NEK9: variants seen among roughly 807,000 people sequenced by gnomAD.
NEK9 encodes serine/threonine-protein kinase Nek9.
A neutral mutation model predicts 123.4 loss-of-function variants in NEK9; 75 were observed. The observed-to-expected ratio is 0.61, with a 90% CI of 0.50 to 0.74. NEK9 has a LOEUF of 0.74. Ranked by LOEUF, NEK9 falls within the 30% of genes least tolerant of loss-of-function variation. The probability of loss-of-function intolerance (pLI) is 0.00; values close to 1 mark genes in which losing one functional copy is unlikely to be tolerated. For missense variants in NEK9, 952 were observed against 1,214.4 expected (o/e 0.78, Z 3.21); for synonymous variants, 438 against 458.7 (o/e 0.95, Z 0.58).
intron 11 of NEK9, 138 bp from the exon 12 acceptor site, chr14:75,106,840 C>T (rs1594839628): frequency 6.1e-6 from 4 of 657,228 alleles, no homozygotes; most frequent in South Asian, 5.9e-5. Flanking sequence ...ATTAAAAGGA[C>T]AGACTGTGCA....
At chr14:75,089,494 G>T (rs908837013) in intron 19 of NEK9, among the ~76,000 whole-genome samples, 1 of 152,020 alleles carries the variant, frequency 6.6e-6, no homozygotes, top group Admixed American at 6.6e-5. Context: ...CTCCCAAAGT[G>T]CTGGGATTAC....
At position 75,088,483 on chromosome 14, in the gene NEK9, G is replaced by A; in HGVS notation, c.2601C>T (p.Ala867=). ...APLEHKPQVE[A]SSPRLNPAVT... The stretch of plus-strand genomic sequence containing the variant: ...CAAAGGCAAAAAGCTCAGTTACCGA[G>A]GCTTCTACTTGGGGTTTGTGTTCCA... The change falls in exon 20 of 22, where the codon GCC becomes GCT. Residue 867 remains alanine (A), a synonymous_variant. Coordinates refer to ENST00000238616, the MANE Select transcript of NEK9 (RefSeq NM_033116.6). 1.2e-6 allele frequency: 2 copies of A among 1,613,400 alleles called. No individual in the cohort carries two copies. The highest frequency in any genetic ancestry group is 1.7e-6 in the Non-Finnish European group (2 of 1,179,696).
At position 75,104,167 on chromosome 14, in the gene NEK9, C is replaced by CT. The variant is rs57333930; in HGVS notation, c.1576-171dup. Among the ~76,000 whole-genome samples the CT allele has an allele frequency of 7.0e-3, 1,001 of 143,118 alleles. 8 individuals carry two copies. Among genetic ancestry groups the CT allele is most frequent in the South Asian group, 0.049 (220 of 4,462 alleles). The allele number at this position is 143,118 out of a possible 152,430, so 93.9% of individuals were successfully genotyped here. Reference sequence around the variant, plus strand: ...CCCAGTGTCTTAGAGACTACTTTTTCTTTTTTTTTTTTTTTGAGATAGAGT... The same window carrying CT: ...CCCAGTGTCTTAGAGACTACTTTTTCTTTTTTTTTTTTTTTTGAGATAGAGT... On this transcript the variant is annotated intron_variant, in intron 13 of 21. Coordinates refer to ENST00000238616, the MANE Select transcript of NEK9 (RefSeq NM_033116.6).
intron 6 of NEK9, 131 bp downstream of exon 6, chr14:75,117,064 A>T: frequency 1.9e-6 from 2 of 1,061,724 alleles, no homozygotes; most frequent in Non-Finnish European, 2.7e-6. Flanking sequence ...GTAATAGATT[A>T]CTAATCTTGT....
chr14:75,114,656 G>A (rs1165896998), intron 6 of NEK9, among the ~76,000 whole-genome samples: 2 of 151,990 alleles, frequency 1.3e-5, no homozygotes, highest in African/African-American at 4.8e-5. Flanking sequence ...ACTAACTTGC[G>A]TCCTAATTTA....
rs752196053 is a variant in NEK9 at position 75,105,963 on chromosome 14, T to A, written c.1562A>T (p.Tyr521Phe). Residue 521 changes from tyrosine to phenylalanine, a missense_variant, in exon 13 of 22, where the codon TAT (tyrosine) becomes TTT (phenylalanine). Tyr to Phe is a conservative substitution (Grantham distance 22). Coordinates refer to ENST00000238616, the MANE Select transcript of NEK9 (RefSeq NM_033116.6). Reference sequence around the variant, plus strand: ...TTCTGATTTTACCTTTTGTGGTGTATAATAATCCTCTTCTGAATCCAAACC... The same window carrying A: ...TTCTGATTTTACCTTTTGTGGTGTAAAATAATCCTCTTCTGAATCCAAACC... The part of the protein sequence containing the change: ...RLGLDSEEDY[Y>F]TPQKVDVPKA... 4 of 1,613,620 alleles carry A rather than the reference T, an allele frequency of 2.5e-6. No homozygotes were observed. The Admixed American group carries it at 5.0e-5, about 20-fold the overall frequency.
chr14:75,125,246 TG>T (rs1479920296), intron 1 of NEK9, among the ~76,000 whole-genome samples: 1 of 152,216 alleles, frequency 6.6e-6, no homozygotes, highest in Non-Finnish European at 1.5e-5. Flanking sequence ...AAATGATATT[TG>T]TTCATTCTTT....
chr14:75,103,699 TG>T, intron 14 of NEK9, 142 bp downstream of exon 14: 1 of 834,126 alleles, frequency 1.2e-6, no homozygotes, highest in Non-Finnish European at 1.8e-6. Context: ...TCTTTGTGGC[TG>T]GCTTCTTTTT....
At chr14:75,108,508 CGTGTGCGTGTGTGTGT>C (rs1894853584) in intron 10 of NEK9, among the ~76,000 whole-genome samples, 1 of 82,304 alleles carries the variant, frequency 1.2e-5, no homozygotes, top group Non-Finnish European at 2.4e-5. Context: ...TATGTGTGTG[CGTGTGCGTGTGTGTGT>C]GTGTGTGTGT....
chr14:75,121,306 A>T, intron 2 of NEK9, 132 bp from the exon 3 acceptor site: 1 of 615,866 alleles, frequency 1.6e-6, no homozygotes, highest in South Asian at 2.2e-5. Flanking sequence ...ACTTCTTTTG[A>T]CTTTTCACAT....
Position 75,126,828 on chromosome 14 carries a change from G to T in NEK9, c.94C>A (p.Pro32Thr). Residue 32 changes from proline to threonine, a missense_variant, in exon 1 of 22, where the codon CCT becomes ACT. By Grantham distance (38) the Pro-to-Thr change is conservative. Around this residue, in one of 4 missense-constraint regions of NEK9, gnomAD observed 120 missense variants for 97.6 expected, o/e 1.23. Coordinates refer to ENST00000238616, the MANE Select transcript of NEK9 (RefSeq NM_033116.6). ...GCTCGCGGCCCCTGACTGGCGCTAG[G>T]CCCCGGACTCGAGTCCCCGCAACCC... is the stretch of plus-strand genomic sequence containing the variant. ...SGGCGDSSPG[P>T]SASQGPRAGG... 1 of 1,533,876 alleles carries T rather than the reference G, an allele frequency of 6.5e-7. No individual in the cohort carries two copies. Among genetic ancestry groups the T allele is most frequent in the Non-Finnish European group, 8.8e-7 (1 of 1,140,722 alleles).
chr14:75,095,347 T>C lies in NEK9; in HGVS notation c.2233+25A>G, dbSNP rs768117143. On this transcript the variant is annotated intron_variant, in intron 18 of 21. Transcript: ENST00000238616. ...AAAGACCCACACTTCAGAAAACCAC[T>C]GGTACCTGAAACATTGGTACTTACC... The C allele has an allele frequency of 5.1e-6, 8 of 1,575,188 alleles. No individual in the cohort carries two copies. The South Asian group carries it at 6.7e-5, about 13-fold the overall frequency.
chr14:75,095,458 C>T (rs1157957746), intron 17 of NEK9, 27 bp from the exon 18 acceptor site: 2 of 1,534,904 alleles, frequency 1.3e-6, no homozygotes, highest in South Asian at 1.1e-5. Context: ...GGTAGGTAAG[C>T]ACTGTATACT....
chr14:75,123,113 C>T (rs991602242), intron 2 of NEK9, among the ~76,000 whole-genome samples: 1 of 151,910 alleles, frequency 6.6e-6, no homozygotes, highest in Non-Finnish European at 1.5e-5. Context: ...TTTAAAATGA[C>T]AAAACTGCTG....
intron 1 of NEK9, 98 bp downstream of exon 1, chr14:75,126,605 G>C (rs556582589): frequency 1.1e-6 from 1 of 942,032 alleles, no homozygotes; most frequent in Non-Finnish European, 1.5e-6. Flanking sequence ...GGCGCCTAAA[G>C]CACTAAGCTC....
At chr14:75,114,456 T>TA in intron 6 of NEK9, 143 bp from the exon 7 acceptor site, 1 of 647,502 alleles carries the variant, frequency 1.5e-6, no homozygotes, top group African/African-American at 1.8e-5. Flanking sequence ...CTAGTATGCA[T>TA]CAAAAAAAAA....
At chr14:75,110,642 A>G (rs1842030764) in intron 8 of NEK9, among the ~76,000 whole-genome samples, 1 of 152,008 alleles carries the variant, frequency 6.6e-6, no homozygotes, top group Non-Finnish European at 1.5e-5. Flanking sequence ...GAGAGCCTTG[A>G]GAACCTCTGA....
intron 18 of NEK9, 75 bp from the exon 19 acceptor site, chr14:75,091,553 T>C (rs1298373457): frequency 7.8e-7 from 1 of 1,285,766 alleles, no homozygotes; most frequent in East Asian, 2.7e-5. Context: ...CAACCCTACT[T>C]ACCCTGGAAA....
At chr14:75,126,397 A>G (rs941699805) in intron 1 of NEK9, among the ~76,000 whole-genome samples, 1 of 152,140 alleles carries the variant, frequency 6.6e-6, no homozygotes, top group African/African-American at 2.4e-5. Context: ...GATTCTCAAG[A>G]TAATCTTAAA....
Sources: allele counts gnomAD v4.1 joint callset (sites outside exome capture counted in the v4.1 genomes callset), GRCh38; gene constraint gnomAD v4.1.1; regional missense constraint gnomAD v4.1.1; transcripts MANE v1.5; gene names NCBI Gene and HGNC (gene_info 2026-07-23, HGNC 2026-07-21).